Variants in BCKDHB observed in about 807,000 individuals in gnomAD.
BCKDHB encodes the protein branched chain keto acid dehydrogenase E1 subunit beta.
In BCKDHB, 41 loss-of-function variants were observed where a neutral mutation model predicts 48.5. The observed-to-expected ratio is 0.85, with a 90% CI of 0.66 to 1.10. BCKDHB has a LOEUF of 1.10. BCKDHB is among the 50% of genes least tolerant of loss of function. The probability of loss-of-function intolerance (pLI) is 0.00; values close to 1 mark genes in which losing one functional copy is unlikely to be tolerated. For synonymous variants in BCKDHB, 201 were observed against 174.8 expected (o/e 1.15, Z -1.18); for missense variants, 496 against 494.2 (o/e 1.00, Z -0.03).
intron 8 of BCKDHB, among the ~76,000 whole-genome samples, chr6:80,250,570 G>A (rs1776797767): frequency 6.6e-6 from 1 of 152,136 alleles, no homozygotes; most frequent in South Asian, 2.1e-4. Flanking sequence ...AGCTGAGGAA[G>A]GTGGGAGGCC....
At chr6:80,375,852 T>C in the BCKDHB span, among the ~76,000 whole-genome samples, 1 of 152,202 alleles carries the variant, frequency 6.6e-6, no homozygotes, top group African/African-American at 2.4e-5. Context: ...GCTTGCTTGA[T>C]GTGGTGCTCT....
intron 9 of BCKDHB, among the ~76,000 whole-genome samples, chr6:80,311,544 G>C (rs1051726067): frequency 1.3e-5 from 2 of 151,962 alleles, no homozygotes; most frequent in Non-Finnish European, 2.9e-5. Context: ...TTTCTTCTAG[G>C]GTTTTTATAG....
chr6:80,419,141 TC>T, the BCKDHB span, among the ~76,000 whole-genome samples: 1 of 152,080 alleles, frequency 6.6e-6, no homozygotes, highest in Non-Finnish European at 1.5e-5. Flanking sequence ...CAGCCTGCAC[TC>T]TCACGTGCTG....
At chr6:80,305,096 T>C (rs557864798) in intron 9 of BCKDHB, among the ~76,000 whole-genome samples, 1 of 152,240 alleles carries the variant, frequency 6.6e-6, no homozygotes, top group Non-Finnish European at 1.5e-5. Context: ...ATTTTCTACA[T>C]AGAAAATCTA....
chr6:80,453,598 G>A, the BCKDHB span, among the ~76,000 whole-genome samples: 1 of 152,266 alleles, frequency 6.6e-6, no homozygotes, highest in East Asian at 1.9e-4. Flanking sequence ...TATGTCCCCT[G>A]TATCTATTTT....
the BCKDHB span, among the ~76,000 whole-genome samples, chr6:80,373,493 C>G: frequency 6.6e-6 from 1 of 151,644 alleles, no homozygotes; most frequent in Non-Finnish European, 1.5e-5. Context: ...TTTACTTTTG[C>G]TGGGTTTGGT....
intron 8 of BCKDHB, among the ~76,000 whole-genome samples, chr6:80,268,953 C>A (rs912266166): frequency 6.6e-6 from 1 of 152,032 alleles, no homozygotes; most frequent in Admixed American, 6.6e-5. Context: ...GGGATGTGAT[C>A]AAGTATATAC....
chr6:80,416,768 ATT>A, the BCKDHB span, among the ~76,000 whole-genome samples: 27 of 118,250 alleles, frequency 2.3e-4, no homozygotes, highest in Admixed American at 9.4e-4. Flanking sequence ...TTTTATTTTT[ATT>A]TTTATTTTTT....
chr6:80,226,567 G>A (rs968180222), intron 8 of BCKDHB, among the ~76,000 whole-genome samples: 2 of 152,216 alleles, frequency 1.3e-5, no homozygotes, highest in African/African-American at 2.4e-5. Flanking sequence ...TGACAAGTAA[G>A]TGTTGAGTGA....
chr6:80,171,357 T>C lies in BCKDHB; in HGVS notation c.709T>C (p.Phe237Leu), dbSNP rs1350645980. The change falls in exon 6 of 10, where the codon TTT (phenylalanine) becomes CTT (leucine). Residue 237 changes from phenylalanine (F) to leucine (L), a missense_variant. Transcript: ENST00000320393. ...SCIEDKNPCI[F>L]FEPKILYRAA... ...CATAGAGGATAAAAATCCTTGTATA[T>C]TTTTTGAACCTAAAATACTTTACAG... 1.2e-6 allele frequency: 2 copies of C among 1,604,540 alleles called. No individual in the cohort carries two copies. Among genetic ancestry groups the C allele is most frequent in the Admixed American group, 1.7e-5 (1 of 59,586 alleles).
chr6:80,335,151 G>C (rs1455892430), intron 9 of BCKDHB, among the ~76,000 whole-genome samples: 2 of 149,618 alleles, frequency 1.3e-5, no homozygotes. Context: ...AGAATTGTCT[G>C]GTTGCTTTAG....
At chr6:80,447,655 T>C in the BCKDHB span, among the ~76,000 whole-genome samples, 11 of 152,254 alleles carry the variant, frequency 7.2e-5, no homozygotes, top group African/African-American at 2.4e-4. Context: ...TTCTGTCACA[T>C]TGGATTATCT....
At chr6:80,389,222 T>G in the BCKDHB span, among the ~76,000 whole-genome samples, 1 of 151,134 alleles carries the variant, frequency 6.6e-6, no homozygotes, top group Non-Finnish European at 1.5e-5. Context: ...TGTTATCACC[T>G]AATGGGCCCA....
intron 8 of BCKDHB, among the ~76,000 whole-genome samples, chr6:80,204,942 C>A (rs1007164417): frequency 2.6e-5 from 4 of 151,838 alleles, no homozygotes; most frequent in Middle Eastern, 3.4e-3. Context: ...AAAGAGGAGA[C>A]AAGCGATCTC....
At chr6:80,287,389 C>G (rs1766675433) in intron 9 of BCKDHB, among the ~76,000 whole-genome samples, 1 of 151,336 alleles carries the variant, frequency 6.6e-6, no homozygotes. Flanking sequence ...AGCAATTTTT[C>G]TAAATCAAAT....
At chr6:80,248,477 A>G (rs905483193) in intron 8 of BCKDHB, among the ~76,000 whole-genome samples, 4 of 152,192 alleles carry the variant, frequency 2.6e-5, no homozygotes, top group South Asian at 4.1e-4. Flanking sequence ...CTCAGTGTTC[A>G]ACATTTGAAT....
rs137961640 is a variant in BCKDHB at position 80,166,077 on chromosome 6, T to C, written c.344-1601T>C. Among the ~76,000 whole-genome samples, 271 of 152,296 alleles carry C rather than the reference T, an allele frequency of 1.8e-3. 1 individual carries two copies. The highest frequency in any genetic ancestry group is 6.0e-3 in the African/African-American group (250 of 41,560). ...TTTTGCAGGACAAGGCTTATGAACG[T>C]CATGGTCATCCACTGGGCTTAATTT... On this transcript the variant is annotated intron_variant, in intron 3 of 9. Transcript: ENST00000320393.
chr6:80,127,726 A>G, intron 2 of BCKDHB, 102 bp downstream of exon 2: 1 of 1,077,068 alleles, frequency 9.3e-7, no homozygotes, highest in Non-Finnish European at 1.4e-6. Flanking sequence ...CATTGTATCT[A>G]CCTGACATTT....
chr6:80,270,362 T>C (rs1777685737), intron 8 of BCKDHB, among the ~76,000 whole-genome samples: 1 of 152,136 alleles, frequency 6.6e-6, no homozygotes, highest in Non-Finnish European at 1.5e-5. Flanking sequence ...TTAAGTGAAG[T>C]AATTGTAAAA....
Sources: gnomAD v4.1 joint callset for allele counts (sites outside exome capture counted in the v4.1 genomes callset) on GRCh38, gnomAD v4.1.1 for gene constraint, MANE v1.5 for transcripts, NCBI Gene and HGNC (gene_info 2026-07-23, HGNC 2026-07-21) for gene names.